Variants in PEBP1 observed in about 807,000 individuals in gnomAD.
The protein encoded by PEBP1 is phosphatidylethanolamine-binding protein 1.
PEBP1 carries 17 observed loss-of-function variants against 22.7 expected under a neutral mutation model. That is an observed-to-expected ratio of 0.75 (90% confidence interval 0.51 to 1.12). The LOEUF (loss-of-function observed/expected upper bound fraction) is 1.12, where lower values mean the gene tolerates loss of function less well. PEBP1 is among the 50% of genes most tolerant of loss of function. The pLI, the probability that PEBP1 is intolerant of heterozygous loss-of-function variation, is 0.00. For missense variants in PEBP1, 205 were observed against 243.5 expected, an observed-to-expected ratio of 0.84 and a Z score of 1.05; for synonymous variants, 106 against 104.3, an observed-to-expected ratio of 1.02 and a Z score of -0.10.
Position 118,138,115 on chromosome 12 carries a change from C to CG in PEBP1, c.214dup (p.Asp72GlyfsTer25), listed in dbSNP as rs751599041. On this transcript the variant is annotated frameshift_variant, in exon 2 of 4. Coordinates refer to ENST00000261313, the MANE Select transcript of PEBP1 (RefSeq NM_002567.4). LOFTEE classifies it high-confidence loss of function. ...CTCTACACCTTGGTCCTGACAGACC[C>CG]GGATGCTCCCAGCAGGAAGGATCCC... 6.2e-7 allele frequency: 1 copy of CG among 1,613,490 alleles called. No homozygotes were observed. Among genetic ancestry groups the CG allele is most frequent in the African/African-American group, 1.3e-5 (1 of 75,036 alleles).
intron 3 of PEBP1, among the ~76,000 whole-genome samples, chr12:118,142,263 G>T (rs2034120371): frequency 6.6e-6 from 1 of 150,396 alleles, no homozygotes; most frequent in African/African-American, 2.5e-5. Context: ...TGTGATCGCG[G>T]CTCACTGCAA....
At chr12:118,139,348 C>T in intron 2 of PEBP1, 103 bp from the exon 3 acceptor site, 1 of 730,982 alleles carries the variant, frequency 1.4e-6, no homozygotes. Context: ...TTGTTCGTGG[C>T]TGTGTTGTGG....
At position 118,139,435 on chromosome 12, in the gene PEBP1, G is replaced by A. The variant is rs376711046; in HGVS notation, c.246-16G>A. ...TGATCTCCTGTGGTGCTGACATCCC[G>A]TGTTTCTTCATGCAGAGAATGGCAT... On this transcript the variant is annotated splice_polypyrimidine_tract_variant and intron_variant, in intron 2 of 3. Transcript: ENST00000261313. The A allele has an allele frequency of 4.1e-5, 65 of 1,583,208 alleles. No individual in the cohort carries two copies. The highest frequency in any genetic ancestry group is 6.7e-5 in the East Asian group (3 of 44,618).
At chr12:118,140,154 C>A (rs1010589762) in intron 3 of PEBP1, among the ~76,000 whole-genome samples, 1 of 152,170 alleles carries the variant, frequency 6.6e-6, no homozygotes, top group South Asian at 2.1e-4. Flanking sequence ...GAAAGCCCAC[C>A]GTATTGAAAC....
chr12:118,138,093 T>A lies in PEBP1; in HGVS notation c.190T>A (p.Tyr64Asn). 1 of 1,613,986 alleles carries A rather than the reference T, an allele frequency of 6.2e-7. No individual in the cohort carries two copies. The change falls in exon 2 of 4, where the codon TAC (tyrosine) becomes AAC (asparagine). Residue 64 changes from tyrosine (Y) to asparagine (N), a missense_variant. Physicochemically the swap from Tyr to Asn is moderately radical, Grantham distance 143. Transcript: ENST00000261313. ...SWDGLDSGKLYTLVLTDPDAP... is the reference protein window; with the variant it reads ...SWDGLDSGKLNTLVLTDPDAP... ...GGATGGTCTTGATTCAGGGAAGCTCTACACCTTGGTCCTGACAGACCCGGA... is the reference window on the plus strand; with the variant it reads ...GGATGGTCTTGATTCAGGGAAGCTCAACACCTTGGTCCTGACAGACCCGGA...
At chr12:118,142,826 CT>C (rs374392598) in intron 3 of PEBP1, among the ~76,000 whole-genome samples, 247 of 93,560 alleles carry the variant, frequency 2.6e-3, no homozygotes, top group African/African-American at 8.4e-3. Flanking sequence ...ACTACATTCA[CT>C]TTTTTTTTTT....
chr12:118,139,210 G>T (rs1001678368), intron 2 of PEBP1: 5 of 368,604 alleles, frequency 1.4e-5, no homozygotes, highest in African/African-American at 1.1e-4. Context: ...CTACTTGGGA[G>T]CCTGAGGCAG....
At chr12:118,142,174 CTTTT>C (rs897008585) in intron 3 of PEBP1, among the ~76,000 whole-genome samples, 1 of 125,462 alleles carries the variant, frequency 8.0e-6, no homozygotes, top group South Asian at 2.6e-4. Flanking sequence ...GCCATGCATT[CTTTT>C]TTTTTTTTTT....
intron 2 of PEBP1, 146 bp downstream of exon 2, chr12:118,138,294 C>A: frequency 1.6e-6 from 1 of 638,760 alleles, no homozygotes. Context: ...GCCCTTTTGC[C>A]CCCCTACAGC....
intron 2 of PEBP1, 74 bp downstream of exon 2, chr12:118,138,222 C>CA: frequency 9.8e-7 from 1 of 1,015,274 alleles, no homozygotes. Flanking sequence ...TTGCTGGACA[C>CA]AGAGAAGTAG....
At chr12:118,141,419 T>G (rs1000015970) in intron 3 of PEBP1, among the ~76,000 whole-genome samples, 4 of 152,148 alleles carry the variant, frequency 2.6e-5, no homozygotes, top group Non-Finnish European at 4.4e-5. Flanking sequence ...CCAGCCACTT[T>G]CGCTATTCTT....
intron 3 of PEBP1, among the ~76,000 whole-genome samples, chr12:118,143,329 G>A (rs1043049416): frequency 6.6e-6 from 1 of 152,124 alleles, no homozygotes; most frequent in Non-Finnish European, 1.5e-5. Context: ...TACAGTATTT[G>A]TCTTGCGACT....
At chr12:118,139,411 G>C (rs768620507) in intron 2 of PEBP1, 40 bp from the exon 3 acceptor site, 24 of 1,407,858 alleles carry the variant, frequency 1.7e-5, no homozygotes, top group African/African-American at 2.8e-5. Flanking sequence ...AATGTTCCCT[G>C]ATCTCCTGTG....
Position 118,139,414 on chromosome 12 carries a change from C to A in PEBP1, c.246-37C>A, listed in dbSNP as rs776586019. 11 of 1,429,638 alleles carry A rather than the reference C, an allele frequency of 7.7e-6. No individual in the cohort carries two copies. The East Asian group carries it at 2.1e-4, about 27-fold the overall frequency. 88.6% of individuals were successfully genotyped at this position (1,429,638 alleles called of 1,614,324 possible). A position where few individuals can be genotyped will look rare whatever the true frequency, so the allele number is the denominator to read the frequency against. On this transcript the variant is annotated intron_variant, in intron 2 of 3. Transcript: ENST00000261313. The stretch of plus-strand genomic sequence containing the variant: ...GACTGTGCAGTGAATGTTCCCTGAT[C>A]TCCTGTGGTGCTGACATCCCGTGTT...
chr12:118,141,362 G>A (rs997829701), intron 3 of PEBP1, among the ~76,000 whole-genome samples: 13 of 152,092 alleles, frequency 8.5e-5, no homozygotes, highest in South Asian at 8.3e-4. Flanking sequence ...TGATCCGCCC[G>A]CCTTGGCCTC....
rs1389737941 is a variant in PEBP1 at position 118,145,105 on chromosome 12, G to C, written c.*302G>C. On this transcript the variant is annotated 3_prime_UTR_variant, in exon 4 of 4. Coordinates refer to ENST00000261313, the MANE Select transcript of PEBP1 (RefSeq NM_002567.4). ...CCCAGAATGTAAAAAAGAAAAAACT[G>C]GGGGGAAAAAGACCAGGTCTACAGT... The C allele has an allele frequency of 1.1e-6, 1 of 928,502 alleles. No homozygotes were observed. The highest frequency in any genetic ancestry group is 2.4e-5 in the Admixed American group (1 of 40,822). The allele number at this position is 928,502 out of a possible 1,614,324, so 57.5% of individuals were successfully genotyped here. A position where few individuals can be genotyped will look rare whatever the true frequency, so the allele number is the denominator to read the frequency against.
At chr12:118,137,596 C>T (rs2034076795) in intron 1 of PEBP1, among the ~76,000 whole-genome samples, 1 of 152,204 alleles carries the variant, frequency 6.6e-6, no homozygotes, top group Admixed American at 6.5e-5. Context: ...GCTCCTGGCT[C>T]TTACAGTCAA....
Position 118,145,212 on chromosome 12 carries a change from G to A in PEBP1, c.*409G>A. On this transcript the variant is annotated 3_prime_UTR_variant, in exon 4 of 4. Coordinates refer to ENST00000261313, the MANE Select transcript of PEBP1 (RefSeq NM_002567.4). ...AAAGATTGGTTGCCTCTGCCTTTGT[G>A]ATCCTGAGTCCAGAATGGTACACAA... 1 of 365,768 alleles carries A rather than the reference G, an allele frequency of 2.7e-6. No individual in the cohort carries two copies. The highest frequency in any genetic ancestry group is 5.2e-6 in the Non-Finnish European group (1 of 193,366). The allele number at this position is 365,768 out of a possible 1,614,324, so 22.7% of individuals were successfully genotyped here.
intron 2 of PEBP1, chr12:118,139,055 C>T (rs2034091581): frequency 4.5e-6 from 1 of 223,318 alleles, no homozygotes. Context: ...TGGCTCATGC[C>T]TGTAATTCCA....
Sources: gnomAD v4.1 joint callset for allele counts (sites outside exome capture counted in the v4.1 genomes callset) on GRCh38, gnomAD v4.1.1 for gene constraint, MANE v1.5 for transcripts, NCBI Gene and HGNC (gene_info 2026-07-23, HGNC 2026-07-21) for gene names.